The following MCIDAS variants were observed in gnomAD, a reference collection of about 807,000 sequenced individuals.
MCIDAS encodes the protein multiciliate differentiation and DNA synthesis associated cell cycle protein.
MCIDAS carries 23 observed loss-of-function variants against 35.4 expected under a neutral mutation model. The ratio of observed to expected loss-of-function variants is 0.65; its 90% CI spans 0.47 to 0.92. The LOEUF (loss-of-function observed/expected upper bound fraction) is 0.92. Ranked by LOEUF, MCIDAS falls within the 40% of genes least tolerant of loss-of-function variation. The pLI, the probability that MCIDAS is intolerant of heterozygous loss-of-function variation, is 0.00. For missense variants in MCIDAS, 480 were observed against 531.8 expected (o/e 0.90, Z 0.96); for synonymous variants, 228 against 235.2 (o/e 0.97, Z 0.28).
chr5:55,219,991 A>G lies in MCIDAS; in HGVS notation c.*375T>C. ...GAAAGGTTCCAGTGTTTCCCATTGC[A>G]GGAAATTACTTAATCTCTTAGAGCC... On this transcript the variant is annotated 3_prime_UTR_variant, in exon 7 of 7. Transcript: ENST00000513312. The G allele has an allele frequency of 5.9e-6, 1 of 169,964 alleles. No homozygotes were observed. The highest frequency in any genetic ancestry group is 5.6e-5 in the Admixed American group (1 of 17,726). The allele number at this position is 169,964 out of a possible 1,614,324, so 10.5% of individuals were successfully genotyped here.
intron 3 of MCIDAS, among the ~76,000 whole-genome samples, chr5:55,225,209 AAAAAAG>A (rs1276920811): frequency 6.6e-6 from 1 of 152,214 alleles, no homozygotes; most frequent in African/African-American, 2.4e-5. Flanking sequence ...CCTTGTCTCA[AAAAAAG>A]AAAAAGAAAA....
At chr5:55,222,088 C>A in intron 5 of MCIDAS, 88 bp downstream of exon 5, 4 of 1,231,300 alleles carry the variant, frequency 3.2e-6, no homozygotes, top group Non-Finnish European at 4.6e-6. Flanking sequence ...ACTCACAGGA[C>A]CTCATCTTCT....
intron 5 of MCIDAS, among the ~76,000 whole-genome samples, 163 bp downstream of exon 5, chr5:55,222,013 G>T (rs1273432866): frequency 6.6e-6 from 1 of 152,138 alleles, no homozygotes; most frequent in Non-Finnish European, 1.5e-5. Flanking sequence ...TAACCAATTT[G>T]GAAACAGGTG....
chr5:55,227,028 C>G lies in MCIDAS; in HGVS notation c.111G>C (p.Pro37=). The G allele has an allele frequency of 6.6e-7, 1 of 1,519,908 alleles. No homozygotes were observed. The highest frequency in any genetic ancestry group is 2.6e-5 in the East Asian group (1 of 37,904). 94.2% of individuals were successfully genotyped at this position (1,519,908 alleles called of 1,614,324 possible). The change falls in exon 1 of 7, where the codon CCG becomes CCC. Residue 37 remains proline (P), a synonymous_variant. Coordinates refer to ENST00000513312, the MANE Select transcript of MCIDAS (RefSeq NM_001190787.3). ...GAATCAACCGCCCCACCTTCCTCTC[C>G]GGCTTCCCCGGCTTGCAGAGCAGCG... The part of the protein sequence containing the change: ...GRALLCKPGK[P]ERKFAPPRKF...
intron 5 of MCIDAS, among the ~76,000 whole-genome samples, chr5:55,221,933 AATG>A (rs1341947006): frequency 3.3e-5 from 5 of 152,180 alleles, no homozygotes; most frequent in African/African-American, 9.6e-5. Flanking sequence ...TCAAAAAAAA[AATG>A]AATAAATAAA....
Position 55,220,996 on chromosome 5 carries a change from C to T in MCIDAS, c.717+20G>A, listed in dbSNP as rs750316736. On this transcript the variant is annotated intron_variant, in intron 6 of 6. Coordinates refer to ENST00000513312, the MANE Select transcript of MCIDAS (RefSeq NM_001190787.3). Reference sequence around the variant, plus strand: ...CAGTTCCGACGTGCTGCAGTTCCCACACGCCCGCGCCCCACTTACATCCAG... The same window carrying T: ...CAGTTCCGACGTGCTGCAGTTCCCATACGCCCGCGCCCCACTTACATCCAG... The T allele has an allele frequency of 1.8e-5, 27 of 1,530,994 alleles. No individual in the cohort carries two copies. In the South Asian group the frequency reaches 3.0e-4, roughly 17 times the overall value. 94.8% of individuals were successfully genotyped at this position (1,530,994 alleles called of 1,614,324 possible).
chr5:55,220,887 C>G, intron 6 of MCIDAS, 81 bp from the exon 7 acceptor site: 7 of 1,460,152 alleles, frequency 4.8e-6, no homozygotes, highest in Non-Finnish European at 6.4e-6. Flanking sequence ...GACCTAGGCG[C>G]GCTACGCACC....
At position 55,220,524 on chromosome 5, in the gene MCIDAS, C is replaced by G; in HGVS notation, c.1000G>C (p.Ala334Pro). The G allele has an allele frequency of 1.3e-6, 2 of 1,536,098 alleles. No individual in the cohort carries two copies. Among genetic ancestry groups the G allele is most frequent in the Non-Finnish European group, 1.7e-6 (2 of 1,146,890 alleles). Residue 334 changes from alanine (A) to proline (P), a missense_variant, in exon 7 of 7, where the codon GCG (alanine) becomes CCG (proline). By Grantham distance (27) the Ala-to-Pro change is conservative (BLOSUM62 -1). Coordinates refer to ENST00000513312, the MANE Select transcript of MCIDAS (RefSeq NM_001190787.3). ...AGCTCACTGTGGCTCAGGTTCAACG[C>G]GCTCCGGCTGCAGTCTGTGCGCAGC... ...RGLRTDCSRS[A>P]LNLSHSELEE... is the part of the protein sequence containing the mutation.
chr5:55,222,968 AC>A lies in MCIDAS; in HGVS notation c.364del (p.Val122TrpfsTer11), dbSNP rs1745388838. 1 of 1,536,004 alleles carries A rather than the reference AC, an allele frequency of 6.5e-7. No homozygotes were observed. The highest frequency in any genetic ancestry group is 1.4e-5 in the African/African-American group (1 of 73,028). On this transcript the variant is annotated frameshift_variant, in exon 4 of 7. Transcript: ENST00000513312. LOFTEE classifies it high-confidence loss of function. Reference sequence around the variant, plus strand: ...GCACTTGCCTGAAATGAGATCATCCACCGTGTCTCTGAAATCTTGCAGATTG... The same window carrying A: ...GCACTTGCCTGAAATGAGATCATCCACGTGTCTCTGAAATCTTGCAGATTG... ...DFNLQDFRDT[V>X]DDLISDSSSM...
Position 55,220,475 on chromosome 5 carries a change from G to A in MCIDAS, c.1049C>T (p.Thr350Ile), listed in dbSNP as rs1395783853. The change falls in exon 7 of 7, where the codon ACC becomes ATC. Residue 350 changes from threonine to isoleucine, a missense_variant. Thr to Ile is a moderately conservative substitution (Grantham distance 89, BLOSUM62 -1). Transcript: ENST00000513312. ...GATGGTGCTGTGGCTGCGGATGCGG[G>A]TGCTGAAGGAGCCGCCCTCCTCCAG... is the stretch of plus-strand genomic sequence containing the variant. ...SELEEGGSFS[T>I]RIRSHSTIRT... The A allele has an allele frequency of 2.0e-6, 3 of 1,535,920 alleles. No individual in the cohort carries two copies. The highest frequency in any genetic ancestry group is 1.4e-5 in the African/African-American group (1 of 73,022).
chr5:55,227,175 C>CAGGAGGCACAATGCA lies in MCIDAS; in HGVS notation c.-38_-37insTGCATTGTGCCTCCT. 7.1e-7 allele frequency: 1 copy of CAGGAGGCACAATGCA among 1,401,226 alleles called. No individual in the cohort carries two copies. Among genetic ancestry groups the CAGGAGGCACAATGCA allele is most frequent in the Non-Finnish European group, 9.2e-7 (1 of 1,086,564 alleles). The allele number at this position is 1,401,226 out of a possible 1,614,324, so 86.8% of individuals were successfully genotyped here. A position where few individuals can be genotyped will look rare whatever the true frequency, so the allele number is the denominator to read the frequency against. ...CCTCCGGGTGCCGACTGCTCGGAGG[C>CAGGAGGCACAATGCA]GGCGGCCCGGGCTGGGGCAGCGATC... On this transcript the variant is annotated 5_prime_UTR_variant, in exon 1 of 7. Transcript: ENST00000513312.
rs1338813344 is a variant in MCIDAS, at chr5:55,222,314, G to A, written c.468C>T (p.Leu156=). ...PCDISPFGPC[L]SPPLDPRALQ... ...GGGCCCGTGGGTCCAGTGGCGGGGA[G>A]AGGCAGGGCCCGAATGGTGATATGT... Residue 156 remains leucine (L), a synonymous_variant, in exon 5 of 7, where the codon CTC becomes CTT. Transcript: ENST00000513312. 1 of 1,535,538 alleles carries A rather than the reference G, an allele frequency of 6.5e-7. No homozygotes were observed. Among genetic ancestry groups the A allele is most frequent in the South Asian group, 1.2e-5 (1 of 84,002 alleles).
At position 55,227,012 on chromosome 5, in the gene MCIDAS, G is replaced by C; in HGVS notation, c.120+7C>G. 6.6e-7 allele frequency: 1 copy of C among 1,519,724 alleles called. No homozygotes were observed. Among genetic ancestry groups the C allele is most frequent in the Non-Finnish European group, 8.8e-7 (1 of 1,140,232 alleles). 94.1% of individuals were successfully genotyped at this position (1,519,724 alleles called of 1,614,324 possible). On this transcript the variant is annotated splice_region_variant and intron_variant, in intron 1 of 6. Coordinates refer to ENST00000513312, the MANE Select transcript of MCIDAS (RefSeq NM_001190787.3). ...AGACCCCGCCCGGCCCGAATCAACC[G>C]CCCCACCTTCCTCTCCGGCTTCCCC...
chr5:55,222,031 C>G, intron 5 of MCIDAS, 145 bp downstream of exon 5: 4 of 625,680 alleles, frequency 6.4e-6, no homozygotes, highest in South Asian at 2.4e-5. Flanking sequence ...GTGGAGCCAC[C>G]GGAGCAATGG....
intron 3 of MCIDAS, among the ~76,000 whole-genome samples, chr5:55,224,619 G>A (rs1362550551): frequency 6.6e-6 from 1 of 152,198 alleles, no homozygotes; most frequent in East Asian, 1.9e-4. Context: ...AGGGATTTGA[G>A]AAAAGTCTCA....
chr5:55,226,484 C>T (rs1410235179), intron 3 of MCIDAS, 92 bp downstream of exon 3: 3 of 1,321,878 alleles, frequency 2.3e-6, no homozygotes, highest in Non-Finnish European at 3.1e-6. Context: ...GCGCTCCCGA[C>T]CCGAGAGGAG....
At chr5:55,226,994 G>C in intron 1 of MCIDAS, 25 bp downstream of exon 1, 1 of 1,517,042 alleles carries the variant, frequency 6.6e-7, no homozygotes, top group East Asian at 2.6e-5. Context: ...CGCAGACCCC[G>C]CCCGGCCCGA....
chr5:55,226,977 C>T, intron 1 of MCIDAS, 42 bp downstream of exon 1: 1 of 1,504,890 alleles, frequency 6.6e-7, no homozygotes, highest in Non-Finnish European at 8.8e-7. Flanking sequence ...CCTCGGGGCA[C>T]CGAGCGCGCA....
intron 4 of MCIDAS, 80 bp from the exon 5 acceptor site, chr5:55,222,479 T>A: frequency 8.7e-7 from 1 of 1,153,094 alleles, no homozygotes; most frequent in Non-Finnish European, 1.2e-6. Flanking sequence ...ACTCTGGGTG[T>A]AGGGTGTATG....
Sources: gnomAD v4.1 joint callset for allele counts (sites outside exome capture counted in the v4.1 genomes callset) on GRCh38, gnomAD v4.1.1 for gene constraint, MANE v1.5 for transcripts, NCBI Gene and HGNC (gene_info 2026-07-23, HGNC 2026-07-21) for gene names.